STRIT1: variants seen among roughly 807,000 people sequenced by gnomAD.
The protein encoded by STRIT1 is small transmembrane regulator of ion transport 1, also known as sarcoplasmic/endoplasmic reticulum calcium ATPase regulator DWORF.
intron 1 of STRIT1, among the ~76,000 whole-genome samples, chr3:155,291,653 G>A (rs1403940618): frequency 6.6e-6 from 1 of 152,054 alleles, no homozygotes; most frequent in African/African-American, 2.4e-5. Context: ...TTTAAAAATT[G>A]TTCAGTATAA....
Position 155,290,688 on chromosome 3 carries a change from T to C in STRIT1, c.*163A>G, listed in dbSNP as rs1715615463. ...GAAATTCACTCATAATTTCTTATTG[T>C]CCTGAAGAAATTCTTATGCATACCA... On this transcript the variant is annotated 3_prime_UTR_variant, in exon 3 of 3. Coordinates refer to ENST00000489090, the MANE Select transcript of STRIT1 (RefSeq NM_001352129.2). 3.4e-6 allele frequency: 1 copy of C among 291,790 alleles called. No homozygotes were observed. Among genetic ancestry groups the C allele is most frequent in the Non-Finnish European group, 6.3e-6 (1 of 159,500 alleles). 18.1% of individuals were successfully genotyped at this position (291,790 alleles called of 1,614,324 possible).
chr3:155,291,185 AC>A (rs1411907078), intron 1 of STRIT1, 147 bp from the exon 2 acceptor site: 1 of 386,064 alleles, frequency 2.6e-6, no homozygotes, highest in African/African-American at 2.1e-5. Flanking sequence ...TTTCTTTTCT[AC>A]AGAGAATACG....
intron 1 of STRIT1, among the ~76,000 whole-genome samples, chr3:155,292,146 C>G (rs1274822148): frequency 6.6e-6 from 1 of 152,126 alleles, no homozygotes; most frequent in Non-Finnish European, 1.5e-5. Context: ...AGCAAACTTT[C>G]TGAAGTTGAA....
chr3:155,290,346 T>C lies in STRIT1; in HGVS notation c.*505A>G, dbSNP rs1431722761. The C allele has an allele frequency of 6.6e-6, 1 of 151,694 alleles. No homozygotes were observed. Among genetic ancestry groups the C allele is most frequent in the East Asian group, 1.9e-4 (1 of 5,182 alleles). The allele number at this position is 151,694 out of a possible 1,614,324, so 9.4% of individuals were successfully genotyped here. A position where few individuals can be genotyped will look rare whatever the true frequency, so the allele number is the denominator to read the frequency against. On this transcript the variant is annotated 3_prime_UTR_variant, in exon 3 of 3. Coordinates refer to ENST00000489090, the MANE Select transcript of STRIT1 (RefSeq NM_001352129.2). ...AGATTAAGTAAGTGTACTTTTACAT[T>C]ATATGTTCTCTGAATTGTCTGTTTT... is the stretch of plus-strand genomic sequence containing the variant.
In STRIT1 at chr3:155,290,739, G is replaced by C; in HGVS notation, c.*112C>G. 1 of 357,968 alleles carries C rather than the reference G, an allele frequency of 2.8e-6. No individual in the cohort carries two copies. The highest frequency in any genetic ancestry group is 4.1e-5 in the East Asian group (1 of 24,680). 22.2% of individuals were successfully genotyped at this position (357,968 alleles called of 1,614,324 possible). On this transcript the variant is annotated 3_prime_UTR_variant, in exon 3 of 3. Coordinates refer to ENST00000489090, the MANE Select transcript of STRIT1 (RefSeq NM_001352129.2). The stretch of plus-strand genomic sequence containing the variant: ...AAGTGCCAGTTTATGATCCAAGTTT[G>C]TAAAGTGATGTCAAACATTGCATTG...
chr3:155,292,127 T>A (rs1359818037), intron 1 of STRIT1, among the ~76,000 whole-genome samples: 2 of 152,152 alleles, frequency 1.3e-5, no homozygotes, highest in African/African-American at 2.4e-5. Flanking sequence ...TAGAAGACAC[T>A]TTTATAAAAG....
chr3:155,291,937 T>C (rs1190700275), intron 1 of STRIT1, among the ~76,000 whole-genome samples: 1 of 152,168 alleles, frequency 6.6e-6, no homozygotes, highest in African/African-American at 2.4e-5. Context: ...TGTCCCTGTG[T>C]TAAGGACTCA....
rs1400610387 is a variant in STRIT1 at position 155,293,613 on chromosome 3, A to G, written c.13+7T>C. ...TTGCCAAGAGAATCCTATGCCTTAA[A>G]TCTTACCTTTTTCAGCCATTATTCC... On this transcript the variant is annotated splice_region_variant and intron_variant, in intron 1 of 2. Coordinates refer to ENST00000489090, the MANE Select transcript of STRIT1 (RefSeq NM_001352129.2). The G allele has an allele frequency of 2.5e-6, 1 of 397,984 alleles. No individual in the cohort carries two copies. The highest frequency in any genetic ancestry group is 2.1e-5 in the African/African-American group (1 of 48,390). 24.7% of individuals were successfully genotyped at this position (397,984 alleles called of 1,614,324 possible).
intron 1 of STRIT1, 76 bp from the exon 2 acceptor site, chr3:155,291,114 G>A (rs1402121654): frequency 1.3e-5 from 5 of 396,686 alleles, no homozygotes; most frequent in Non-Finnish European, 2.2e-5. Flanking sequence ...AGAATAAAAG[G>A]AATTTGGTAA....
At chr3:155,291,193 T>A (rs1162850799) in intron 1 of STRIT1, 155 bp from the exon 2 acceptor site, 2 of 384,052 alleles carry the variant, frequency 5.2e-6, no homozygotes, top group Admixed American at 8.9e-5. Flanking sequence ...CTACAGAGAA[T>A]ACGTGAGACT....
chr3:155,290,767 T>TA lies in STRIT1; in HGVS notation c.*83dup. ...AAGTGATGTCAAACATTGCATTGTT[T>TA]AACATGAGACATTTAATAATCAGTC... On this transcript the variant is annotated 3_prime_UTR_variant, in exon 3 of 3. Transcript: ENST00000489090. 2.6e-6 allele frequency: 1 copy of TA among 379,480 alleles called. No homozygotes were observed. The highest frequency in any genetic ancestry group is 3.7e-5 in the East Asian group (1 of 26,756). 23.5% of individuals were successfully genotyped at this position (379,480 alleles called of 1,614,324 possible). A position where few individuals can be genotyped will look rare whatever the true frequency, so the allele number is the denominator to read the frequency against.
rs571928223 is a variant in STRIT1 at position 155,290,678 on chromosome 3, T to A, written c.*173A>T. 2 of 271,932 alleles carry A rather than the reference T, an allele frequency of 7.4e-6. No individual in the cohort carries two copies. The highest frequency in any genetic ancestry group is 1.2e-4 in the East Asian group (2 of 16,044). The allele number at this position is 271,932 out of a possible 1,614,324, so 16.8% of individuals were successfully genotyped here. A position where few individuals can be genotyped will look rare whatever the true frequency, so the allele number is the denominator to read the frequency against. ...AGAATATAGAGAAATTCACTCATAA[T>A]TTCTTATTGTCCTGAAGAAATTCTT... is the stretch of plus-strand genomic sequence containing the variant. On this transcript the variant is annotated 3_prime_UTR_variant, in exon 3 of 3. Transcript: ENST00000489090.
intron 1 of STRIT1, among the ~76,000 whole-genome samples, chr3:155,292,255 GAC>G (rs906144615): frequency 6.6e-6 from 1 of 152,088 alleles, no homozygotes; most frequent in Non-Finnish European, 1.5e-5. Flanking sequence ...ATCTCACTGT[GAC>G]CTTGTATAAG....
Position 155,290,347 on chromosome 3 carries a change from A to G in STRIT1, c.*504T>C, listed in dbSNP as rs989626508. The G allele has an allele frequency of 7.9e-6, 1 of 126,354 alleles. No individual in the cohort carries two copies. The highest frequency in any genetic ancestry group is 1.7e-5 in the Non-Finnish European group (1 of 59,250). 7.8% of individuals were successfully genotyped at this position (126,354 alleles called of 1,614,324 possible). A position where few individuals can be genotyped will look rare whatever the true frequency, so the allele number is the denominator to read the frequency against. Reference sequence around the variant, plus strand: ...GATTAAGTAAGTGTACTTTTACATTATATGTTCTCTGAATTGTCTGTTTTT... The same window carrying G: ...GATTAAGTAAGTGTACTTTTACATTGTATGTTCTCTGAATTGTCTGTTTTT... On this transcript the variant is annotated 3_prime_UTR_variant, in exon 3 of 3. Coordinates refer to ENST00000489090, the MANE Select transcript of STRIT1 (RefSeq NM_001352129.2).
intron 1 of STRIT1, among the ~76,000 whole-genome samples, chr3:155,293,281 C>T (rs1485033117): frequency 6.6e-6 from 1 of 152,074 alleles, no homozygotes. Context: ...TAGCCATTTA[C>T]TAGCAGGTCT....
chr3:155,292,845 C>A (rs556328931), intron 1 of STRIT1, among the ~76,000 whole-genome samples: 4 of 152,246 alleles, frequency 2.6e-5, no homozygotes, highest in African/African-American at 7.2e-5. Flanking sequence ...GTAGTTACAG[C>A]TGGAAGTGTT....
Position 155,290,379 on chromosome 3 carries a change from A to T in STRIT1, c.*472T>A, listed in dbSNP as rs1399427000. The T allele has an allele frequency of 7.8e-5, 10 of 127,812 alleles. No individual in the cohort carries two copies. Among genetic ancestry groups the T allele is most frequent in the African/African-American group, 2.9e-4 (10 of 34,656 alleles). The allele number at this position is 127,812 out of a possible 1,614,324, so 7.9% of individuals were successfully genotyped here. ...CTCTGAATTGTCTGTTTTTATCTCTAGCCCATTTTCTTTCTTTTTTTTTTT... is the reference window on the plus strand; with the variant it reads ...CTCTGAATTGTCTGTTTTTATCTCTTGCCCATTTTCTTTCTTTTTTTTTTT... On this transcript the variant is annotated 3_prime_UTR_variant, in exon 3 of 3. Transcript: ENST00000489090.
chr3:155,290,835 A>T lies in STRIT1; in HGVS notation c.*16T>A, dbSNP rs796465926. The T allele has an allele frequency of 1.8e-5, 7 of 394,826 alleles. No individual in the cohort carries two copies. The highest frequency in any genetic ancestry group is 1.4e-4 in the African/African-American group (7 of 48,676). The allele number at this position is 394,826 out of a possible 1,614,324, so 24.5% of individuals were successfully genotyped here. A position where few individuals can be genotyped will look rare whatever the true frequency, so the allele number is the denominator to read the frequency against. On this transcript the variant is annotated 3_prime_UTR_variant, in exon 3 of 3. Coordinates refer to ENST00000489090, the MANE Select transcript of STRIT1 (RefSeq NM_001352129.2). ...AATTCTTCTAAATGATGTCAATCTG[A>T]TATCTTCTTGCCTGAAAGACAAAAC... is the stretch of plus-strand genomic sequence containing the variant.
At position 155,290,233 on chromosome 3, in the gene STRIT1, G is replaced by A. The variant is rs547405756; in HGVS notation, c.*618C>T. 6.6e-6 allele frequency: 1 copy of A among 152,132 alleles called. No homozygotes were observed. The highest frequency in any genetic ancestry group is 2.1e-4 in the South Asian group (1 of 4,830). 9.4% of individuals were successfully genotyped at this position (152,132 alleles called of 1,614,324 possible). On this transcript the variant is annotated 3_prime_UTR_variant, in exon 3 of 3. Transcript: ENST00000489090. ...ACACAGTCTTACCAACTCATATGTTGTCAAACATCTTTATTTTTTTCCCAT... is the reference window on the plus strand; with the variant it reads ...ACACAGTCTTACCAACTCATATGTTATCAAACATCTTTATTTTTTTCCCAT...
Sources: gnomAD v4.1 joint callset for allele counts (sites outside exome capture counted in the v4.1 genomes callset) on GRCh38, gnomAD v4.1.1 for gene constraint, MANE v1.5 for transcripts, NCBI Gene and HGNC (gene_info 2026-07-23, HGNC 2026-07-21) for gene names.